Variants in PPM1L observed in about 807,000 individuals in gnomAD.
The protein encoded by PPM1L is protein phosphatase 1L.
Under a neutral mutation model 31.4 loss-of-function variants are expected in PPM1L, and 13 were observed. The ratio of observed to expected loss-of-function variants is 0.41; its 90% CI spans 0.27 to 0.66. The LOEUF is 0.66. Among genes scored for constraint, PPM1L ranks in the 30% least tolerant of loss-of-function variants. The pLI, the probability that PPM1L is intolerant of heterozygous loss-of-function variation, is 0.29. For missense variants in PPM1L, 326 were observed against 453.7 expected, an observed-to-expected ratio of 0.72 and a Z score of 2.56; for synonymous variants, 184 against 175.4, an observed-to-expected ratio of 1.05 and a Z score of -0.39.
intron 1 of PPM1L, among the ~76,000 whole-genome samples, chr3:160,787,137 G>A (rs1711958772): frequency 6.6e-6 from 1 of 152,154 alleles, no homozygotes; most frequent in African/African-American, 2.4e-5. Flanking sequence ...GGATTACTGG[G>A]TCGAATGGGA....
At position 161,042,091 on chromosome 3, in the gene PPM1L, C is replaced by T. The variant is rs75900548; in HGVS notation, c.575-23312C>T. 8.2e-4 allele frequency among the ~76,000 whole-genome samples: 125 copies of T among 152,320 alleles called. 1 individual carries two copies. The East Asian group carries it at 0.022, about 27-fold the overall frequency. ...TCCCCACCACCCTTGGCTAACTCCC[C>T]ATTCATCAGTCAAAACTCAGCTCAA... On this transcript the variant is annotated intron_variant, in intron 2 of 3. Coordinates refer to ENST00000498165, the MANE Select transcript of PPM1L (RefSeq NM_139245.4).
rs533139540 is a variant in PPM1L at position 160,984,550 on chromosome 3, TTAAAG to T, written c.574+22646_574+22650del. On this transcript the variant is annotated intron_variant, in intron 2 of 3. Coordinates refer to ENST00000498165, the MANE Select transcript of PPM1L (RefSeq NM_139245.4). Reference sequence around the variant, plus strand: ...TTATGAAGATGATGGGATTAAGAGATTAAAGTAAAGACAGGTATAGGAAATCACAA... The same window carrying T: ...TTATGAAGATGATGGGATTAAGAGATTAAAGACAGGTATAGGAAATCACAA... Among the ~76,000 whole-genome samples, 100 of 152,284 alleles carry T rather than the reference TTAAAG, an allele frequency of 6.6e-4. 3 individuals carry two copies. The South Asian group carries it at 0.014, about 21-fold the overall frequency.
In PPM1L at chr3:161,055,774, A is replaced by G. The variant is rs540129714; in HGVS notation, c.575-9629A>G. Among the ~76,000 whole-genome samples the G allele has an allele frequency of 8.0e-4, 118 of 147,498 alleles. 1 individual carries two copies. The highest frequency in any genetic ancestry group is 1.4e-3 in the Admixed American group (21 of 14,742). ...TTGCCACCCCTTCCTTACCCTCCCC[A>G]ATCTCTCTCTCTCTTTCCTAAAGAA... On this transcript the variant is annotated intron_variant, in intron 2 of 3. Transcript: ENST00000498165.
At chr3:160,806,261 T>G (rs1194470618) in intron 1 of PPM1L, among the ~76,000 whole-genome samples, 1 of 152,186 alleles carries the variant, frequency 6.6e-6, no homozygotes, top group East Asian at 1.9e-4. Flanking sequence ...CCCCACTTCC[T>G]TCTCCTGGTT....
chr3:161,021,858 A>G (rs1718244187), intron 2 of PPM1L, among the ~76,000 whole-genome samples: 1 of 151,960 alleles, frequency 6.6e-6, no homozygotes, highest in African/African-American at 2.4e-5. Context: ...TTTTTATAGC[A>G]TACTTTACTC....
chr3:161,031,477 G>C (rs1037720981), intron 2 of PPM1L, among the ~76,000 whole-genome samples: 13 of 143,720 alleles, frequency 9.0e-5, no homozygotes, highest in Admixed American at 8.6e-4. Flanking sequence ...TCTCTGACTT[G>C]TGAATGGCAG....
At chr3:161,027,566 CTTA>C (rs1269429201) in intron 2 of PPM1L, among the ~76,000 whole-genome samples, 10 of 152,220 alleles carry the variant, frequency 6.6e-5, no homozygotes, top group Admixed American at 6.5e-5. Flanking sequence ...TCTTGTGAGA[CTTA>C]TTCACTGTCA....
At chr3:160,840,925 G>A (rs143106893) in intron 1 of PPM1L, among the ~76,000 whole-genome samples, 4 of 152,286 alleles carry the variant, frequency 2.6e-5, no homozygotes, top group Non-Finnish European at 5.9e-5. Context: ...TCCTTATTGA[G>A]TCGACTGATT....
intron 2 of PPM1L, among the ~76,000 whole-genome samples, chr3:160,969,307 T>C (rs1159749656): frequency 6.6e-6 from 1 of 152,248 alleles, no homozygotes; most frequent in Non-Finnish European, 1.5e-5. Context: ...AGGAAGTAGC[T>C]GGAGGGTTAC....
At chr3:160,868,046 A>C (rs1029757856) in intron 1 of PPM1L, among the ~76,000 whole-genome samples, 2 of 152,190 alleles carry the variant, frequency 1.3e-5, no homozygotes, top group African/African-American at 2.4e-5. Flanking sequence ...CCTTTGTTGG[A>C]AGTTGAGAAG....
At chr3:160,772,758 A>G (rs991721877) in intron 1 of PPM1L, among the ~76,000 whole-genome samples, 2 of 152,058 alleles carry the variant, frequency 1.3e-5, no homozygotes, top group Non-Finnish European at 1.5e-5. Context: ...CCATTAATCT[A>G]CTTTCTGTCA....
chr3:160,965,624 C>A (rs1716116490), intron 2 of PPM1L, among the ~76,000 whole-genome samples: 1 of 152,058 alleles, frequency 6.6e-6, no homozygotes, highest in African/African-American at 2.4e-5. Context: ...AGGATATTTT[C>A]AATTTACAGT....
chr3:161,025,304 T>C lies in PPM1L; in HGVS notation c.575-40099T>C, dbSNP rs532158199. Among the ~76,000 whole-genome samples, 39 of 151,998 alleles carry C rather than the reference T, an allele frequency of 2.6e-4. 1 individual carries two copies. Among genetic ancestry groups the C allele is most frequent in the South Asian group, 1.0e-3 (5 of 4,822 alleles). ...TCATGCCAGGTACAGTGGCTTGCGC[T>C]TATAATCCCAGCTACTCAGAGGGCT... is the stretch of plus-strand genomic sequence containing the variant. On this transcript the variant is annotated intron_variant, in intron 2 of 3. Transcript: ENST00000498165.
chr3:160,953,703 C>G (rs1442640982), intron 1 of PPM1L, among the ~76,000 whole-genome samples: 1 of 152,100 alleles, frequency 6.6e-6, no homozygotes, highest in Non-Finnish European at 1.5e-5. Context: ...ATACCTTTTC[C>G]TCACAGAGAT....
intron 1 of PPM1L, among the ~76,000 whole-genome samples, chr3:160,800,684 C>CAT (rs1157411513): frequency 6.6e-6 from 1 of 152,050 alleles, no homozygotes; most frequent in East Asian, 1.9e-4. Context: ...GGTGATTTGT[C>CAT]ATATATCTTT....
chr3:160,965,255 A>T (rs1250746190), intron 2 of PPM1L, among the ~76,000 whole-genome samples: 6 of 152,010 alleles, frequency 3.9e-5, no homozygotes, highest in Non-Finnish European at 8.8e-5. Context: ...TCAAAAAAAA[A>T]AAGAAAAAAG....
intron 1 of PPM1L, among the ~76,000 whole-genome samples, chr3:160,772,613 T>C (rs1715287698): frequency 6.6e-6 from 1 of 152,204 alleles, no homozygotes; most frequent in Admixed American, 6.5e-5. Flanking sequence ...TTTGATCAGT[T>C]TTGTTATATA....
chr3:160,814,822 A>G (rs1712946595), intron 1 of PPM1L, among the ~76,000 whole-genome samples: 1 of 151,972 alleles, frequency 6.6e-6, no homozygotes, highest in South Asian at 2.1e-4. Flanking sequence ...CTACTCAGCC[A>G]TGAAAAGGAA....
chr3:161,052,697 T>G (rs1182511071), intron 2 of PPM1L, among the ~76,000 whole-genome samples: 1 of 152,218 alleles, frequency 6.6e-6, no homozygotes, highest in African/African-American at 2.4e-5. Context: ...GTAAATAGAT[T>G]TATAACTATA....
Sources: gnomAD v4.1 joint callset for allele counts (sites outside exome capture counted in the v4.1 genomes callset) on GRCh38, gnomAD v4.1.1 for gene constraint, MANE v1.5 for transcripts, NCBI Gene and HGNC (gene_info 2026-07-23, HGNC 2026-07-21) for gene names.